NDUFAF7: variants seen among roughly 807,000 people sequenced by gnomAD.
NDUFAF7 encodes protein arginine methyltransferase NDUFAF7, mitochondrial.
In NDUFAF7, 48 loss-of-function variants were observed where a neutral mutation model predicts 47.2. That is an observed-to-expected ratio of 1.02 (90% CI 0.81 to 1.29). The LOEUF is 1.29. NDUFAF7 is among the 50% of genes most tolerant of loss of function. The pLI is 0.00. For missense variants in NDUFAF7, 635 were observed against 537.6 expected (o/e 1.18, Z -1.79); for synonymous variants, 217 against 190.0 (o/e 1.14, Z -1.17).
intron 4 of NDUFAF7, among the ~76,000 whole-genome samples, chr2:37,239,740 G>GTA (rs1572546450): frequency 9.0e-6 from 1 of 111,196 alleles, no homozygotes; most frequent in East Asian, 5.1e-4. Flanking sequence ...GTAGCAGTTT[G>GTA]CAAGAGTTCG....
chr2:37,259,125 G>A, the NDUFAF7 span, among the ~76,000 whole-genome samples: 2 of 152,100 alleles, frequency 1.3e-5, no homozygotes, highest in East Asian at 1.9e-4. Context: ...GAAGCACGAT[G>A]CCATTGTGTG....
chr2:37,246,314 A>G (rs898419359), intron 8 of NDUFAF7, 119 bp downstream of exon 8: 40 of 1,187,884 alleles, frequency 3.4e-5, no homozygotes, highest in Non-Finnish European at 4.4e-5. Flanking sequence ...TATAGTTAAC[A>G]TTAATTCATG....
chr2:37,247,560 A>G lies in NDUFAF7; in HGVS notation c.1041A>G (p.Lys347=). 6.2e-7 allele frequency: 1 copy of G among 1,614,112 alleles called. No homozygotes were observed. The highest frequency in any genetic ancestry group is 8.5e-7 in the Non-Finnish European group (1 of 1,179,990). ...ATTTGCGAAGAATGGCACAGGGAAA[A>G]GTAGCCTCTCTGGGCCCAATAAAAC... The part of the protein sequence containing the change: ...FSYLRRMAQG[K]VASLGPIKQH... Residue 347 remains lysine (K), a synonymous_variant, in exon 9 of 10, where the codon AAA becomes AAG. Transcript: ENST00000002125.
intron 2 of NDUFAF7, among the ~76,000 whole-genome samples, chr2:37,235,557 C>G (rs17020358): frequency 0.05 from 7,630 of 152,062 alleles, 710 homozygotes; most frequent in East Asian, 0.34. Flanking sequence ...CCTTTACGGT[C>G]AAGGTGTAAT....
At chr2:37,254,156 G>T, downstream of NDUFAF7, 1 of 1,379,348 alleles carries the variant, frequency 7.2e-7, no homozygotes, top group Non-Finnish European at 1.0e-6. Flanking sequence ...AAATCAGAGT[G>T]AACTACTCAA....
At chr2:37,258,961 ACTT>A in the NDUFAF7 span, among the ~76,000 whole-genome samples, 4 of 152,106 alleles carry the variant, frequency 2.6e-5, no homozygotes, top group African/African-American at 7.2e-5. Flanking sequence ...CACCACCACC[ACTT>A]ATTTCTCAGG....
chr2:37,248,295 A>G lies in NDUFAF7; in HGVS notation c.1271A>G (p.Gln424Arg). 1.2e-6 allele frequency: 2 copies of G among 1,614,194 alleles called. No individual in the cohort carries two copies. Among genetic ancestry groups the G allele is most frequent in the Non-Finnish European group, 1.7e-6 (2 of 1,180,018 alleles). The change falls in exon 10 of 10, where the codon CAG becomes CGG. Residue 424 changes from glutamine to arginine, a missense_variant. Gln to Arg is a conservative substitution (Grantham distance 43). Coordinates refer to ENST00000002125, the MANE Select transcript of NDUFAF7 (RefSeq NM_144736.5). ...GGAAGATATCAGAGGAATGCACGTC[A>G]GTCAAAACCCTTTGCATCCGTTGTA... ...QGGRYQRNAR[Q>R]SKPFASVVAG...
intron 2 of NDUFAF7, among the ~76,000 whole-genome samples, chr2:37,233,649 G>A (rs1255157599): frequency 2.6e-5 from 4 of 151,260 alleles, no homozygotes; most frequent in Admixed American, 6.6e-5. Flanking sequence ...AAGTGAGCCT[G>A]GTGTTCAGAA....
At chr2:37,231,902 C>G (rs1461759190) in intron 1 of NDUFAF7, 142 bp downstream of exon 1, 2 of 1,584,804 alleles carry the variant, frequency 1.3e-6, no homozygotes, top group South Asian at 1.1e-5. Flanking sequence ...GGAAACGGGT[C>G]CGGTACAAAC....
chr2:37,235,366 T>TA (rs1414391156), intron 2 of NDUFAF7, among the ~76,000 whole-genome samples: 3 of 152,142 alleles, frequency 2.0e-5, no homozygotes, highest in Non-Finnish European at 2.9e-5. Flanking sequence ...TGCTCCCATG[T>TA]AACCAGCACC....
At chr2:37,250,404 T>TAAA (rs1324123166), downstream of NDUFAF7, 2 of 152,176 alleles carry the variant, frequency 1.3e-5, no homozygotes, top group African/African-American at 4.8e-5. Flanking sequence ...TTTAACTTTT[T>TAAA]AAAGCCTTCT....
chr2:37,242,008 A>G (rs915949198), intron 5 of NDUFAF7: 15 of 581,232 alleles, frequency 2.6e-5, no homozygotes, highest in African/African-American at 2.4e-4. Flanking sequence ...AGCTTTGTAA[A>G]ATCCCAAACA....
intron 2 of NDUFAF7, among the ~76,000 whole-genome samples, chr2:37,233,346 A>G (rs1209499311): frequency 6.6e-6 from 1 of 152,218 alleles, no homozygotes; most frequent in Non-Finnish European, 1.5e-5. Flanking sequence ...TCTGGCGTTC[A>G]GGGCCGGACG....
downstream of NDUFAF7, chr2:37,254,192 AT>A (rs572652569): frequency 5.3e-4 from 818 of 1,540,132 alleles, no homozygotes; most frequent in Non-Finnish European, 6.4e-4. Flanking sequence ...GAGAGATTAC[AT>A]TTTTTTTTAC....
downstream of NDUFAF7, chr2:37,254,351 A>C: frequency 2.3e-6 from 3 of 1,315,958 alleles, no homozygotes; most frequent in Non-Finnish European, 3.3e-6. Context: ...CAAACTTGTG[A>C]CTGCCTAGAA....
downstream of NDUFAF7, chr2:37,252,924 A>C (rs777689505): frequency 1.5e-5 from 4 of 260,864 alleles, no homozygotes; most frequent in Non-Finnish European, 2.8e-5. Flanking sequence ...ATTAAGAAAA[A>C]ATACAAAACC....
intron 7 of NDUFAF7, among the ~76,000 whole-genome samples, chr2:37,244,503 ACTACTG>A (rs1198017088): frequency 1.3e-5 from 2 of 152,178 alleles, no homozygotes; most frequent in Non-Finnish European, 2.9e-5. Context: ...TGGTAGAATT[ACTACTG>A]CTTTCTGTTG....
chr2:37,269,878 G>C, the NDUFAF7 span, among the ~76,000 whole-genome samples: 1 of 152,178 alleles, frequency 6.6e-6, no homozygotes, highest in African/African-American at 2.4e-5. Flanking sequence ...AATTTTATGT[G>C]CAAGTATAAT....
chr2:37,239,664 A>G (rs1558495964), intron 4 of NDUFAF7, among the ~76,000 whole-genome samples: 2 of 152,262 alleles, frequency 1.3e-5, no homozygotes, highest in Admixed American at 6.5e-5. Context: ...AATACGAAGT[A>G]CTGCAAGAAT....
Sources: gnomAD v4.1 joint callset for allele counts (sites outside exome capture counted in the v4.1 genomes callset) on GRCh38, gnomAD v4.1.1 for gene constraint, MANE v1.5 for transcripts, NCBI Gene and HGNC (gene_info 2026-07-23, HGNC 2026-07-21) for gene names.